GEN1: variants seen among roughly 807,000 people sequenced by gnomAD.
The protein encoded by GEN1 is flap endonuclease GEN homolog 1.
In GEN1, 64 loss-of-function variants were observed where a neutral mutation model predicts 67.6. The observed-to-expected ratio is 0.95, with a 90% CI of 0.77 to 1.17. The LOEUF (loss-of-function observed/expected upper bound fraction) is 1.17. Ranked by LOEUF, GEN1 falls within the 50% of genes most tolerant of loss-of-function variation. The pLI, the probability that GEN1 is intolerant of heterozygous loss-of-function variation, is 0.00. For missense variants in GEN1, 1,058 were observed against 1,048.3 expected, an observed-to-expected ratio of 1.01 and a Z score of -0.13; for synonymous variants, 371 against 359.4, an observed-to-expected ratio of 1.03 and a Z score of -0.37.
rs1672806941 is a variant in GEN1, at chr2:17,781,078, T to C, written c.1866T>C (p.Pro622=). 2 of 1,612,212 alleles carry C rather than the reference T, an allele frequency of 1.2e-6. No homozygotes were observed. Among genetic ancestry groups the C allele is most frequent in the Non-Finnish European group, 1.7e-6 (2 of 1,178,358 alleles). The change falls in exon 14 of 14, where the codon CCT becomes CCC. Residue 622 remains proline, a synonymous_variant. Coordinates refer to ENST00000381254, the MANE Select transcript of GEN1 (RefSeq NM_001130009.3). Reference sequence around the variant, plus strand: ...TTGAATCAGAGCTATCAGCCATCCCTGATGGCTTTGAAAATATCCCAGAAC... The same window carrying C: ...TTGAATCAGAGCTATCAGCCATCCCCGATGGCTTTGAAAATATCCCAGAAC... ...SEVESELSAI[P]DGFENIPEQL...
At chr2:17,776,553 A>C (rs908755376) in intron 11 of GEN1, among the ~76,000 whole-genome samples, 2 of 152,226 alleles carry the variant, frequency 1.3e-5, no homozygotes. Flanking sequence ...TCTCAGTAAA[A>C]GTATGTGAGT....
rs1673051078 is a variant in GEN1 at position 17,786,074 on chromosome 2, C to T, written c.*4135C>T. On this transcript the variant is annotated 3_prime_UTR_variant, in exon 14 of 14. Coordinates refer to ENST00000381254, the MANE Select transcript of GEN1 (RefSeq NM_001130009.3). The stretch of plus-strand genomic sequence containing the variant: ...ACCCTGGAGACATTTTCTAACTTTT[C>T]TGAGACTCATTTATTCAAATGTTTA... 1 of 152,160 alleles carries T rather than the reference C, an allele frequency of 6.6e-6. No individual in the cohort carries two copies. Among genetic ancestry groups the T allele is most frequent in the Non-Finnish European group, 1.5e-5 (1 of 68,040 alleles). 9.4% of individuals were successfully genotyped at this position (152,160 alleles called of 1,614,324 possible).
Position 17,781,111 on chromosome 2 carries a change from C to G in GEN1, c.1899C>G (p.Ser633=). The part of the protein sequence containing the change: ...DGFENIPEQL[S]CESERYTANI... ...TTGAAAATATCCCAGAACAACTGTC[C>G]TGTGAATCAGAAAGGTACACTGCAA... The change falls in exon 14 of 14, where the codon TCC becomes TCG. Residue 633 remains serine, a synonymous_variant. Coordinates refer to ENST00000381254, the MANE Select transcript of GEN1 (RefSeq NM_001130009.3). 1 of 1,613,678 alleles carries G rather than the reference C, an allele frequency of 6.2e-7. No homozygotes were observed. Among genetic ancestry groups the G allele is most frequent in the South Asian group, 1.1e-5 (1 of 91,062 alleles).
chr2:17,768,018 G>T (rs189919102), intron 5 of GEN1, among the ~76,000 whole-genome samples: 1 of 152,174 alleles, frequency 6.6e-6, no homozygotes, highest in Non-Finnish European at 1.5e-5. Context: ...GAAGTATTCA[G>T]GTTAGATGGG....
At chr2:17,768,542 C>G (rs569786418) in intron 5 of GEN1, among the ~76,000 whole-genome samples, 196 bp from the exon 6 acceptor site, 1 of 152,270 alleles carries the variant, frequency 6.6e-6, no homozygotes, top group South Asian at 2.1e-4. Context: ...TTGTCATTTA[C>G]TTTACAAATC....
Position 17,778,331 on chromosome 2 carries a change from TATATGTATACACACAC to T in GEN1, c.1264+271_1264+286del, listed in dbSNP as rs1672615774. ...ATGTATATACACACACACGTGTACA[TATATGTATACACACAC>T]ATGTGTGTACATATATGTATATACA... On this transcript the variant is annotated intron_variant, in intron 12 of 13. Transcript: ENST00000381254. Among the ~76,000 whole-genome samples the T allele has an allele frequency of 8.4e-5, 3 of 35,764 alleles. 1 individual carries two copies. The highest frequency in any genetic ancestry group is 1.8e-4 in the African/African-American group (2 of 11,150). The allele number at this position is 35,764 out of a possible 152,430, so 23.5% of individuals were successfully genotyped here. A position where few individuals can be genotyped will look rare whatever the true frequency, so the allele number is the denominator to read the frequency against.
intron 2 of GEN1, among the ~76,000 whole-genome samples, chr2:17,760,889 T>G (rs1671642889): frequency 6.8e-6 from 1 of 146,922 alleles, no homozygotes; most frequent in Non-Finnish European, 1.5e-5. Context: ...ACCACTGCAC[T>G]CCAGCCTGGG....
At chr2:17,758,417 T>TG (rs1486181614) in intron 1 of GEN1, among the ~76,000 whole-genome samples, 1 of 152,216 alleles carries the variant, frequency 6.6e-6, no homozygotes, top group African/African-American at 2.4e-5. Context: ...TGTGTTCTGA[T>TG]GGGTTAATAA....
chr2:17,770,342 G>A (rs1045428445), intron 6 of GEN1, among the ~76,000 whole-genome samples: 4 of 152,016 alleles, frequency 2.6e-5, no homozygotes, highest in East Asian at 1.9e-4. Context: ...TTATCTGGAA[G>A]CAATTAATGC....
In GEN1 at chr2:17,785,960, T is replaced by A. The variant is rs933878268; in HGVS notation, c.*4021T>A. 1 of 152,218 alleles carries A rather than the reference T, an allele frequency of 6.6e-6. No homozygotes were observed. Among genetic ancestry groups the A allele is most frequent in the Non-Finnish European group, 1.5e-5 (1 of 68,026 alleles). The allele number at this position is 152,218 out of a possible 1,614,324, so 9.4% of individuals were successfully genotyped here. ...CTTCTAGATTTTATAATGAGGACTC[T>A]ACTTTTTCCTTTTGGGTAGCATGGC... On this transcript the variant is annotated 3_prime_UTR_variant, in exon 14 of 14. Transcript: ENST00000381254.
At chr2:17,774,843 C>G (rs185759836) in intron 11 of GEN1, among the ~76,000 whole-genome samples, 36 of 151,324 alleles carry the variant, frequency 2.4e-4, no homozygotes, top group African/African-American at 8.7e-4. Flanking sequence ...TTTCTTGAAA[C>G]CCAGTAGCTA....
At chr2:17,773,002 A>G (rs1672265312) in intron 8 of GEN1, 94 bp from the exon 9 acceptor site, 2 of 891,430 alleles carry the variant, frequency 2.2e-6, no homozygotes, top group Middle Eastern at 3.4e-4. Flanking sequence ...GTAAATTCAC[A>G]TTTCTTATTA....
rs1020603062 is a variant in GEN1 at position 17,786,389 on chromosome 2, A to G, written c.*4450A>G. ...AGGAAACTCTAGATTAGCATCACAC[A>G]AGGGATCCTAACGTGGCATTTGAGC... On this transcript the variant is annotated 3_prime_UTR_variant, in exon 14 of 14. Transcript: ENST00000381254. 17 of 152,342 alleles carry G rather than the reference A, an allele frequency of 1.1e-4. No homozygotes were observed. Among genetic ancestry groups the G allele is most frequent in the Admixed American group, 3.9e-4 (6 of 15,306 alleles). The allele number at this position is 152,342 out of a possible 1,614,324, so 9.4% of individuals were successfully genotyped here. A position where few individuals can be genotyped will look rare whatever the true frequency, so the allele number is the denominator to read the frequency against.
chr2:17,777,356 A>G (rs1162492861), intron 11 of GEN1, among the ~76,000 whole-genome samples: 1 of 152,184 alleles, frequency 6.6e-6, no homozygotes, highest in East Asian at 1.9e-4. Flanking sequence ...AAAACTCCCA[A>G]AGTATGCATT....
intron 12 of GEN1, 88 bp downstream of exon 12, chr2:17,778,151 T>TAG: frequency 2.0e-6 from 1 of 504,590 alleles, no homozygotes; most frequent in Non-Finnish European, 3.6e-6. Flanking sequence ...TATATATATA[T>TAG]ATACACACAC....
rs1673008432 is a variant in GEN1, at chr2:17,784,984, T to C, written c.*3045T>C. 6.6e-6 allele frequency: 1 copy of C among 152,302 alleles called. No homozygotes were observed. The highest frequency in any genetic ancestry group is 1.5e-5 in the Non-Finnish European group (1 of 68,136). 9.4% of individuals were successfully genotyped at this position (152,302 alleles called of 1,614,324 possible). ...TGTTGAGCGGCATGCAAGCGAGAAT[T>C]ACCGCCTGAGCTCTGCCTCCTGTCA... On this transcript the variant is annotated 3_prime_UTR_variant, in exon 14 of 14. Transcript: ENST00000381254.
Position 17,765,022 on chromosome 2 carries a change from T to C in GEN1, c.474T>C (p.Thr158=). The part of the protein sequence containing the change: ...VDGCLTNDGD[T]FLYGAQTVYR... The stretch of plus-strand genomic sequence containing the variant: ...GCTGCCTCACCAATGATGGAGATAC[T>C]TTCCTTTATGGGGCCCAGACTGTTT... The change falls in exon 4 of 14, where the codon ACT becomes ACC. Residue 158 remains threonine (T), a synonymous_variant. Coordinates refer to ENST00000381254, the MANE Select transcript of GEN1 (RefSeq NM_001130009.3). The C allele has an allele frequency of 6.2e-7, 1 of 1,614,206 alleles. No homozygotes were observed. Among genetic ancestry groups the C allele is most frequent in the Non-Finnish European group, 8.5e-7 (1 of 1,180,018 alleles).
At chr2:17,755,863 A>C (rs1671411151) in intron 1 of GEN1, 2 of 152,198 alleles carry the variant, frequency 1.3e-5, no homozygotes, top group Non-Finnish European at 2.9e-5. Flanking sequence ...TAACCAATAA[A>C]AGCTTATTAG....
At chr2:17,778,202 A>ATATATATGTATACACACACATATATG (rs1553331064) in intron 12 of GEN1, 139 bp downstream of exon 12, 20 of 224,516 alleles carry the variant, frequency 8.9e-5, no homozygotes, top group Middle Eastern at 2.7e-3. Context: ...ACACACATAT[A>ATATATATGTATACACACACATATATG]TGTGTATATA....
Sources: allele counts gnomAD v4.1 joint callset (sites outside exome capture counted in the v4.1 genomes callset), GRCh38; gene constraint gnomAD v4.1.1; transcripts MANE v1.5; gene names NCBI Gene and HGNC (gene_info 2026-07-23, HGNC 2026-07-21).